The following DNAH8 variants were observed in gnomAD, a reference collection of about 807,000 sequenced individuals.
DNAH8 encodes the protein dynein axonemal heavy chain 8, also known as axonemal beta dynein heavy chain 8.
A neutral mutation model predicts 562.1 loss-of-function variants in DNAH8; 382 were observed. The observed-to-expected ratio is 0.68, with a 90% CI of 0.63 to 0.74. DNAH8 has a LOEUF of 0.74. Ranked by LOEUF, DNAH8 falls within the 30% of genes least tolerant of loss-of-function variation. DNAH8 has a pLI of 0.00. For synonymous variants in DNAH8, 1,881 were observed against 1,919.4 expected, an observed-to-expected ratio of 0.98 and a Z score of 0.52; for missense variants, 5,203 against 5,620.4, an observed-to-expected ratio of 0.93 and a Z score of 2.37.
chr6:38,867,899 T>A (rs1777175249), intron 47 of DNAH8, among the ~76,000 whole-genome samples, 163 bp from the exon 48 acceptor site: 1 of 152,174 alleles, frequency 6.6e-6, no homozygotes, highest in East Asian at 1.9e-4. Flanking sequence ...CATATTTCAG[T>A]CAAAGGAAAG....
At chr6:38,723,700 C>T (rs1396517374) in intron 3 of DNAH8, among the ~76,000 whole-genome samples, 2 of 151,900 alleles carry the variant, frequency 1.3e-5, no homozygotes, top group African/African-American at 2.4e-5. Context: ...CATAGCAAAA[C>T]TCCTGTCTCT....
At chr6:38,744,459 T>C (rs967142068) in intron 8 of DNAH8, 1 of 152,198 alleles carries the variant, frequency 6.6e-6, no homozygotes, top group South Asian at 2.1e-4. Context: ...TTTTGTTCTT[T>C]CCTTGTTAGT....
At chr6:38,754,757 T>C (rs1279228318) in intron 9 of DNAH8, among the ~76,000 whole-genome samples, 2 of 152,118 alleles carry the variant, frequency 1.3e-5, no homozygotes, top group Non-Finnish European at 2.9e-5. Context: ...CTCTCTGTTT[T>C]CTCATTTGCA....
chr6:38,951,323 G>A lies in DNAH8; in HGVS notation c.12254G>A (p.Trp4085Ter). Residue 4085 changes from tryptophan (W) to a stop codon, truncating the protein, a stop_gained, in exon 82 of 93, where the codon TGG becomes TAG. Transcript: ENST00000327475. LOFTEE classifies it high-confidence loss of function. ...TAACTTGTATTCATTTTTAGGTCTTGGTGCCCAGACCGTACTGTTTTTCAA... is the reference window on the plus strand; with the variant it reads ...TAACTTGTATTCATTTTTAGGTCTTAGTGCCCAGACCGTACTGTTTTTCAA... ...TCHKLLLIRS[W>*]CPDRTVFQAR... 1.2e-6 allele frequency: 2 copies of A among 1,613,924 alleles called. No homozygotes were observed. Among genetic ancestry groups the A allele is most frequent in the Non-Finnish European group, 1.7e-6 (2 of 1,179,902 alleles).
chr6:38,975,838 G>A (rs543163788), intron 85 of DNAH8, among the ~76,000 whole-genome samples: 2 of 152,154 alleles, frequency 1.3e-5, no homozygotes, highest in Non-Finnish European at 2.9e-5. Flanking sequence ...TTATGATTGT[G>A]TTCCCAGTAG....
chr6:38,828,326 C>A, intron 30 of DNAH8, 38 bp downstream of exon 30: 1 of 1,244,504 alleles, frequency 8.0e-7, no homozygotes, highest in Non-Finnish European at 1.1e-6. Flanking sequence ...TTTCTTAAGT[C>A]ACTATCTCCA....
At chr6:38,943,022 AT>A (rs1783586329) in intron 79 of DNAH8, among the ~76,000 whole-genome samples, 1 of 152,210 alleles carries the variant, frequency 6.6e-6, no homozygotes, top group Non-Finnish European at 1.5e-5. Flanking sequence ...GTGTGAGCAC[AT>A]TTGTGACCCC....
chr6:38,774,351 G>A (rs1452497261), intron 12 of DNAH8, among the ~76,000 whole-genome samples: 1 of 152,162 alleles, frequency 6.6e-6, no homozygotes, highest in African/African-American at 2.4e-5. Context: ...GAACTGGAAA[G>A]GGTGCAAGGT....
At chr6:38,907,715 G>C (rs376712968) in intron 63 of DNAH8, among the ~76,000 whole-genome samples, 57 of 152,336 alleles carry the variant, frequency 3.7e-4, no homozygotes, top group African/African-American at 1.3e-3. Context: ...TGGTGGTGGA[G>C]ATAGCTTTTT....
intron 45 of DNAH8, among the ~76,000 whole-genome samples, chr6:38,866,292 G>A (rs1401433671): frequency 1.3e-5 from 2 of 151,856 alleles, no homozygotes; most frequent in African/African-American, 4.8e-5. Context: ...ATTATTTCAC[G>A]TTCTTTTCTA....
At chr6:38,767,083 G>T (rs1179199252) in intron 11 of DNAH8, among the ~76,000 whole-genome samples, 1 of 152,150 alleles carries the variant, frequency 6.6e-6, no homozygotes. Flanking sequence ...AACCATCACT[G>T]CTATCCATTT....
At chr6:38,951,969 C>G (rs1417747692) in intron 82 of DNAH8, among the ~76,000 whole-genome samples, 1 of 152,146 alleles carries the variant, frequency 6.6e-6, no homozygotes. Context: ...CCATTCAGTA[C>G]AGGCAGTGTG....
chr6:38,787,266 T>C (rs915849680), intron 18 of DNAH8, among the ~76,000 whole-genome samples: 9 of 152,080 alleles, frequency 5.9e-5, no homozygotes, highest in African/African-American at 1.9e-4. Context: ...AATATACTTA[T>C]CCTAGAATAT....
intron 11 of DNAH8, among the ~76,000 whole-genome samples, chr6:38,765,388 T>C (rs1436629951): frequency 6.6e-6 from 1 of 152,208 alleles, no homozygotes; most frequent in Non-Finnish European, 1.5e-5. Flanking sequence ...GCCAAGTAGC[T>C]TTTCCCCGAC....
chr6:38,816,743 A>G (rs1432470610), intron 26 of DNAH8, among the ~76,000 whole-genome samples: 4 of 152,186 alleles, frequency 2.6e-5, no homozygotes, highest in Non-Finnish European at 5.9e-5. Flanking sequence ...CCTTGCCAGC[A>G]TCTTTTGTTT....
intron 12 of DNAH8, among the ~76,000 whole-genome samples, chr6:38,774,013 C>T (rs1325304317): frequency 6.6e-6 from 1 of 152,170 alleles, no homozygotes; most frequent in Non-Finnish European, 1.5e-5. Context: ...GAAGAAGGCT[C>T]TAGTGTGTCA....
At chr6:38,862,507 C>T (rs773272384) in intron 44 of DNAH8, 49 bp downstream of exon 44, 5 of 1,544,676 alleles carry the variant, frequency 3.2e-6, no homozygotes, top group South Asian at 2.5e-5. Flanking sequence ...ATTTTTATTG[C>T]CTTTTAATGT....
chr6:38,824,864 G>T (rs1162987833), intron 28 of DNAH8, among the ~76,000 whole-genome samples: 1 of 152,020 alleles, frequency 6.6e-6, no homozygotes, highest in Non-Finnish European at 1.5e-5. Context: ...AAGTACCAAA[G>T]AATTACAAGT....
chr6:39,013,255 A>G (rs1013708708), intron 91 of DNAH8, among the ~76,000 whole-genome samples: 7 of 152,258 alleles, frequency 4.6e-5, no homozygotes, highest in Non-Finnish European at 5.9e-5. Flanking sequence ...TAAAATATGG[A>G]TAGTTTTACT....
Sources: allele counts gnomAD v4.1 joint callset (sites outside exome capture counted in the v4.1 genomes callset), GRCh38; gene constraint gnomAD v4.1.1; transcripts MANE v1.5; gene names NCBI Gene and HGNC (gene_info 2026-07-23, HGNC 2026-07-21).